The following TTLL7 variants were observed in gnomAD, a reference collection of about 807,000 sequenced individuals.
The protein encoded by TTLL7 is tubulin tyrosine ligase like 7, also known as tubulin polyglutamylase TTLL7.
TTLL7 carries 53 observed loss-of-function variants against 120.2 expected under a neutral mutation model. The observed-to-expected ratio is 0.44, with a 90% CI of 0.35 to 0.55. TTLL7 has a LOEUF of 0.55. Ranked by LOEUF, TTLL7 falls within the 20% of genes least tolerant of loss-of-function variation. The pLI, the probability that TTLL7 is intolerant of heterozygous loss-of-function variation, is 0.00. For synonymous variants in TTLL7, 353 were observed against 351.7 expected (o/e 1.00, Z -0.04); for missense variants, 803 against 1,054.7 (o/e 0.76, Z 3.31).
chr1:83,902,735 C>A (rs1362309340), intron 18 of TTLL7, among the ~76,000 whole-genome samples: 1 of 151,876 alleles, frequency 6.6e-6, no homozygotes, highest in Non-Finnish European at 1.5e-5. Context: ...CTTAGAGACT[C>A]CTAAATTTTT....
chr1:83,917,127 TA>T (rs906097727), intron 14 of TTLL7, among the ~76,000 whole-genome samples: 1 of 151,012 alleles, frequency 6.6e-6, no homozygotes, highest in Non-Finnish European at 1.5e-5. Flanking sequence ...GGAGAACATG[TA>T]GATGTCATCT....
At chr1:83,958,101 T>G (rs1461931278) in intron 1 of TTLL7, among the ~76,000 whole-genome samples, 1 of 152,182 alleles carries the variant, frequency 6.6e-6, no homozygotes. Context: ...AGGATGGGGT[T>G]GATATCATCA....
At chr1:83,945,897 T>C (rs551811242) in intron 6 of TTLL7, 2 of 152,234 alleles carry the variant, frequency 1.3e-5, no homozygotes, top group Non-Finnish European at 2.9e-5. Context: ...TTCCCACTAA[T>C]ACTATTAGTT....
At chr1:83,995,191 T>C (rs1653372265) in intron 1 of TTLL7, among the ~76,000 whole-genome samples, 1 of 152,036 alleles carries the variant, frequency 6.6e-6, no homozygotes, top group Non-Finnish European at 1.5e-5. Context: ...TTGGGTGTTA[T>C]GAATTATTAA....
chr1:83,963,718 C>A (rs145648372), intron 1 of TTLL7, among the ~76,000 whole-genome samples: 1 of 152,180 alleles, frequency 6.6e-6, no homozygotes, highest in Non-Finnish European at 1.5e-5. Context: ...AAACACACAG[C>A]CTGGAACACA....
intron 14 of TTLL7, among the ~76,000 whole-genome samples, chr1:83,914,357 G>C (rs1336271375): frequency 3.9e-5 from 4 of 102,830 alleles, no homozygotes; most frequent in Admixed American, 3.0e-4. Flanking sequence ...TTGTGAGACA[G>C]AGTCTTGCTC....
chr1:83,890,567 A>G (rs1655382955), intron 18 of TTLL7, 86 bp from the exon 19 acceptor site: 1 of 1,131,432 alleles, frequency 8.8e-7, no homozygotes, highest in Admixed American at 2.3e-5. Context: ...CAGGAGTTCC[A>G]GACCAGCCTG....
At position 83,952,291 on chromosome 1, in the gene TTLL7, A is replaced by T. The variant is rs552925018; in HGVS notation, c.-80T>A. The T allele has an allele frequency of 6.1e-6, 9 of 1,476,854 alleles. No individual in the cohort carries two copies. The highest frequency in any genetic ancestry group is 8.5e-6 in the Non-Finnish European group (9 of 1,064,798). The allele number at this position is 1,476,854 out of a possible 1,614,324, so 91.5% of individuals were successfully genotyped here. A position where few individuals can be genotyped will look rare whatever the true frequency, so the allele number is the denominator to read the frequency against. On this transcript the variant is annotated 5_prime_UTR_variant, in exon 2 of 21. Coordinates refer to ENST00000260505, the MANE Select transcript of TTLL7 (RefSeq NM_024686.6). The stretch of plus-strand genomic sequence containing the variant: ...AATCTGGAAATTCCACATTAGTCTA[A>T]GTAGGATATGGCCCCAAATCACTGA...
intron 18 of TTLL7, 43 bp from the exon 19 acceptor site, chr1:83,890,524 C>G (rs764587573): frequency 6.6e-7 from 1 of 1,521,718 alleles, no homozygotes. Context: ...GAATGTATAT[C>G]TGTGTCTAAA....
At chr1:83,958,727 T>C (rs1348330263) in intron 1 of TTLL7, among the ~76,000 whole-genome samples, 4 of 152,188 alleles carry the variant, frequency 2.6e-5, no homozygotes, top group African/African-American at 9.6e-5. Flanking sequence ...CTTTTAAACA[T>C]CAAAATTTAA....
intron 9 of TTLL7, among the ~76,000 whole-genome samples, chr1:83,929,921 C>T (rs1221870150): frequency 6.6e-6 from 1 of 152,150 alleles, no homozygotes; most frequent in African/African-American, 2.4e-5. Flanking sequence ...CTATCTCAAA[C>T]ATATGTATAT....
In TTLL7 at chr1:83,949,909, A is replaced by T. The variant is rs1266850928; in HGVS notation, c.235T>A (p.Ser79Thr). The change falls in exon 4 of 21, where the codon TCT (serine) becomes ACT (threonine). Residue 79 changes from serine to threonine, a missense_variant. By Grantham distance (58) the Ser-to-Thr change is moderately conservative (BLOSUM62 1). Around this residue, in one of 3 missense-constraint regions of TTLL7, gnomAD observed 91 missense variants for 96.6 expected, o/e 0.94. Transcript: ENST00000260505. ...GAAATTTTCTCCTGCTGAACAGCAG[A>T]ATCACACCATATAAGATTACTTGTT... ...DETSNLIWCD[S>T]AVQQEKISEL... 1.9e-6 allele frequency: 3 copies of T among 1,613,658 alleles called. No homozygotes were observed. The highest frequency in any genetic ancestry group is 2.5e-6 in the Non-Finnish European group (3 of 1,179,898).
intron 18 of TTLL7, among the ~76,000 whole-genome samples, chr1:83,894,117 T>C (rs1455974231): frequency 6.6e-6 from 1 of 152,110 alleles, no homozygotes; most frequent in Non-Finnish European, 1.5e-5. Flanking sequence ...GAATCAACAC[T>C]AACTGTAAAT....
At chr1:83,983,179 A>C (rs1261311214) in intron 1 of TTLL7, among the ~76,000 whole-genome samples, 1 of 152,038 alleles carries the variant, frequency 6.6e-6, no homozygotes, top group East Asian at 1.9e-4. Context: ...TAAAAATACA[A>C]AACGTAACTG....
At chr1:83,890,291 G>C (rs1439310326) in intron 19 of TTLL7, 30 bp downstream of exon 19, 3 of 1,568,734 alleles carry the variant, frequency 1.9e-6, no homozygotes, top group Admixed American at 2.1e-5. Flanking sequence ...TATTAAAAAT[G>C]ACGATAATAA....
At chr1:83,931,909 G>A (rs562815686) in intron 9 of TTLL7, among the ~76,000 whole-genome samples, 6 of 152,110 alleles carry the variant, frequency 3.9e-5, no homozygotes, top group African/African-American at 1.4e-4. Flanking sequence ...CAAAATATCA[G>A]CAGGGAGCAA....
At chr1:83,989,742 T>A (rs1652809458) in intron 1 of TTLL7, among the ~76,000 whole-genome samples, 1 of 152,218 alleles carries the variant, frequency 6.6e-6, no homozygotes, top group African/African-American at 2.4e-5. Flanking sequence ...AGTATAGCAC[T>A]GAATCTGTAG....
At chr1:83,991,104 G>A (rs1457706659) in intron 1 of TTLL7, among the ~76,000 whole-genome samples, 1 of 152,174 alleles carries the variant, frequency 6.6e-6, no homozygotes, top group South Asian at 2.1e-4. Flanking sequence ...CAAAAGACAA[G>A]TATGTATGAT....
chr1:83,937,268 A>G (rs1647489396), intron 8 of TTLL7, among the ~76,000 whole-genome samples: 1 of 151,534 alleles, frequency 6.6e-6, no homozygotes, highest in African/African-American at 2.4e-5. Flanking sequence ...TAGTGGCACA[A>G]TCTTGGCTCA....
Sources: allele counts gnomAD v4.1 joint callset (sites outside exome capture counted in the v4.1 genomes callset), GRCh38; gene constraint gnomAD v4.1.1; regional missense constraint gnomAD v4.1.1; transcripts MANE v1.5; gene names NCBI Gene and HGNC (gene_info 2026-07-23, HGNC 2026-07-21).